The following GRIK1 variants were observed in gnomAD, a reference collection of about 807,000 sequenced individuals.
The protein encoded by GRIK1 is glutamate receptor ionotropic, kainate 1.
In GRIK1, 69 loss-of-function variants were observed where a neutral mutation model predicts 105.7. The observed-to-expected ratio is 0.65, with a 90% CI of 0.54 to 0.80. GRIK1 has a LOEUF of 0.80. GRIK1 is among the 30% of genes least tolerant of loss of function. The pLI is 0.00. For missense variants in GRIK1, 1,109 were observed against 1,167.3 expected, an observed-to-expected ratio of 0.95 and a Z score of 0.73; for synonymous variants, 438 against 431.3, an observed-to-expected ratio of 1.02 and a Z score of -0.19.
chr21:29,701,948 A>G (rs2063820006), intron 1 of GRIK1, among the ~76,000 whole-genome samples: 1 of 152,210 alleles, frequency 6.6e-6, no homozygotes, highest in South Asian at 2.1e-4. Flanking sequence ...AAGACGAGGA[A>G]CGATGCAGGA....
At chr21:29,620,142 G>A (rs567035151) in intron 7 of GRIK1, among the ~76,000 whole-genome samples, 3 of 152,292 alleles carry the variant, frequency 2.0e-5, no homozygotes, top group South Asian at 2.1e-4. Context: ...GAAGTTATTC[G>A]CCAAGTAATT....
intron 16 of GRIK1, among the ~76,000 whole-genome samples, chr21:29,550,702 A>G (rs2090120013): frequency 6.6e-6 from 1 of 152,208 alleles, no homozygotes; most frequent in African/African-American, 2.4e-5. Context: ...TAAATTAGAA[A>G]ACCAATTTTC....
intron 1 of GRIK1, among the ~76,000 whole-genome samples, chr21:29,865,240 C>A (rs556343256): frequency 2.0e-5 from 3 of 152,190 alleles, no homozygotes; most frequent in Admixed American, 2.0e-4. Context: ...ATTGTCAATT[C>A]AAAATTTTAT....
intron 4 of GRIK1, among the ~76,000 whole-genome samples, chr21:29,655,790 A>T (rs931220293): frequency 2.6e-5 from 4 of 152,024 alleles, no homozygotes; most frequent in African/African-American, 9.7e-5. Context: ...ACTACTTGGG[A>T]TCGTAATAGT....
chr21:29,900,410 T>C (rs748712227), intron 1 of GRIK1, among the ~76,000 whole-genome samples: 5 of 129,010 alleles, frequency 3.9e-5, no homozygotes, highest in Non-Finnish European at 7.9e-5. Flanking sequence ...AAGACACACA[T>C]AGGCTTGAAA....
intron 1 of GRIK1, among the ~76,000 whole-genome samples, chr21:29,781,856 G>A (rs1307522414): frequency 3.2e-4 from 48 of 148,858 alleles, no homozygotes; most frequent in African/African-American, 1.2e-3. Flanking sequence ...ATTTTTAGTA[G>A]AGACGGGGTT....
chr21:29,585,662 G>T (rs1263487604), intron 12 of GRIK1, among the ~76,000 whole-genome samples: 1 of 152,140 alleles, frequency 6.6e-6, no homozygotes, highest in Non-Finnish European at 1.5e-5. Flanking sequence ...CCCAACAGGT[G>T]TGGGCCTCCG....
chr21:29,683,006 C>T (rs933036528), intron 3 of GRIK1, among the ~76,000 whole-genome samples: 1 of 152,108 alleles, frequency 6.6e-6, no homozygotes, highest in Non-Finnish European at 1.5e-5. Flanking sequence ...AGAAGACACG[C>T]AAGTGGCCAA....
At chr21:29,652,566 T>C (rs1370775212) in intron 5 of GRIK1, among the ~76,000 whole-genome samples, 1 of 152,200 alleles carries the variant, frequency 6.6e-6, no homozygotes, top group African/African-American at 2.4e-5. Flanking sequence ...TGTTTTCTAT[T>C]ACAGATGAGG....
chr21:29,757,545 A>G (rs1158295832), intron 1 of GRIK1, among the ~76,000 whole-genome samples: 2 of 152,224 alleles, frequency 1.3e-5, no homozygotes, highest in Non-Finnish European at 2.9e-5. Flanking sequence ...GACTTCTTCT[A>G]TGACTAAATT....
At chr21:29,903,101 C>A (rs2070469952) in intron 1 of GRIK1, among the ~76,000 whole-genome samples, 1 of 152,086 alleles carries the variant, frequency 6.6e-6, no homozygotes, top group Non-Finnish European at 1.5e-5. Flanking sequence ...GAAACTGGAC[C>A]CCTTCCTTAC....
chr21:29,787,718 G>A (rs1162290960), intron 1 of GRIK1, among the ~76,000 whole-genome samples: 1 of 152,140 alleles, frequency 6.6e-6, no homozygotes, highest in African/African-American at 2.4e-5. Flanking sequence ...GACGCACCAC[G>A]ATTCTTCATA....
chr21:29,814,200 C>T (rs2067090610), intron 1 of GRIK1, among the ~76,000 whole-genome samples: 1 of 151,274 alleles, frequency 6.6e-6, no homozygotes, highest in Non-Finnish European at 1.5e-5. Context: ...ATCCACCTGC[C>T]TCGGCCTCCC....
At chr21:29,635,915 G>A (rs932293548) in intron 7 of GRIK1, among the ~76,000 whole-genome samples, 2 of 152,156 alleles carry the variant, frequency 1.3e-5, no homozygotes, top group African/African-American at 4.8e-5. Flanking sequence ...AACTTCAGAA[G>A]AGACGGTCAA....
chr21:29,642,327 A>G (rs570385825), intron 7 of GRIK1, among the ~76,000 whole-genome samples: 2 of 152,350 alleles, frequency 1.3e-5, no homozygotes, highest in South Asian at 4.1e-4. Context: ...TAGGTTTTGA[A>G]TGGGAATAAA....
chr21:29,787,643 T>G (rs2066293378), intron 1 of GRIK1, among the ~76,000 whole-genome samples: 1 of 152,238 alleles, frequency 6.6e-6, no homozygotes, highest in Non-Finnish European at 1.5e-5. Flanking sequence ...TACTATTTCC[T>G]CCTTTTGGAT....
intron 10 of GRIK1, among the ~76,000 whole-genome samples, chr21:29,590,786 C>G (rs2061322065): frequency 6.6e-6 from 1 of 152,160 alleles, no homozygotes; most frequent in South Asian, 2.1e-4. Flanking sequence ...CACCTCTTCC[C>G]CCACTTCCCT....
intron 1 of GRIK1, among the ~76,000 whole-genome samples, chr21:29,726,054 G>A (rs1457133398): frequency 6.6e-6 from 1 of 152,156 alleles, no homozygotes; most frequent in Non-Finnish European, 1.5e-5. Context: ...GGGGAAATTA[G>A]CAGAAAAGGC....
At chr21:29,867,481 C>A (rs1368412877) in intron 1 of GRIK1, among the ~76,000 whole-genome samples, 1 of 151,978 alleles carries the variant, frequency 6.6e-6, no homozygotes, top group Non-Finnish European at 1.5e-5. Flanking sequence ...CTTCATTATT[C>A]CATCACCACG....
Sources: gnomAD v4.1 joint callset for allele counts (sites outside exome capture counted in the v4.1 genomes callset) on GRCh38, gnomAD v4.1.1 for gene constraint, MANE v1.5 for transcripts, NCBI Gene and HGNC (gene_info 2026-07-23, HGNC 2026-07-21) for gene names.